Variants in CRYAB observed in about 807,000 individuals in gnomAD.
The protein encoded by CRYAB is alpha-crystallin B chain.
CRYAB carries 9 observed loss-of-function variants against 12.7 expected under a neutral mutation model. The observed-to-expected ratio is 0.71, with a 90% CI of 0.43 to 1.24. CRYAB has a LOEUF of 1.24. CRYAB is among the 50% of genes most tolerant of loss of function. The pLI is 0.00. For synonymous variants in CRYAB, 93 were observed against 86.8 expected, an observed-to-expected ratio of 1.07 and a Z score of -0.40; for missense variants, 183 against 226.6, an observed-to-expected ratio of 0.81 and a Z score of 1.24.
chr11:111,910,529 A>G (rs1332097237), intron 1 of CRYAB, 80 bp from the exon 2 acceptor site: 1 of 1,543,680 alleles, frequency 6.5e-7, no homozygotes, highest in African/African-American at 1.4e-5. Flanking sequence ...CTTATTCTGC[A>G]GAGCTGCTTT....
rs1441502041 is a variant in CRYAB, at chr11:111,922,775, G to A, written c.-199+928C>T. 2.0e-5 allele frequency among the ~76,000 whole-genome samples: 3 copies of A among 152,244 alleles called. No homozygotes were observed. In the East Asian group the frequency reaches 5.8e-4, roughly 29 times the overall value. On this transcript the variant is annotated intron_variant, in intron 1 of 3. Transcript: ENST00000527950. ...ATAATGAATATCCATATTTGTACATGTATAATTATTTCTTAGGATATGGAA... is the reference window on the plus strand; with the variant it reads ...ATAATGAATATCCATATTTGTACATATATAATTATTTCTTAGGATATGGAA...
chr11:111,917,336 A>T (rs1414228493), upstream of CRYAB, among the ~76,000 whole-genome samples: 1 of 152,174 alleles, frequency 6.6e-6, no homozygotes, highest in Non-Finnish European at 1.5e-5. Flanking sequence ...AACAAGATGA[A>T]AAGGATACAG....
At chr11:111,912,305 A>G, upstream of CRYAB, 1 of 188,046 alleles carries the variant, frequency 5.3e-6, no homozygotes, top group South Asian at 1.1e-4. Context: ...GGTTTAGGAG[A>G]GGATCCCACA....
chr11:111,918,042 T>C (rs1447690945), upstream of CRYAB: 1 of 151,984 alleles, frequency 6.6e-6, no homozygotes, highest in Admixed American at 6.6e-5. Flanking sequence ...CAGAGCTGAG[T>C]GGTGGGCCCT....
At chr11:111,917,345 A>T (rs1219189381), upstream of CRYAB, among the ~76,000 whole-genome samples, 1 of 152,192 alleles carries the variant, frequency 6.6e-6, no homozygotes, top group African/African-American at 2.4e-5. Context: ...AAAAGGATAC[A>T]GTTAATGGTA....
At chr11:111,922,733 G>A (rs1436915511) in intron 1 of CRYAB, among the ~76,000 whole-genome samples, 1 of 151,882 alleles carries the variant, frequency 6.6e-6, no homozygotes, top group Non-Finnish European at 1.5e-5. Context: ...CCTATTTTTT[G>A]CAATTTAAAT....
intron 1 of CRYAB, among the ~76,000 whole-genome samples, chr11:111,922,333 T>C (rs1236295491): frequency 6.6e-6 from 1 of 152,268 alleles, no homozygotes; most frequent in Admixed American, 6.5e-5. Context: ...TATTTTTTGT[T>C]ATCTCAATAA....
intron 1 of CRYAB, among the ~76,000 whole-genome samples, chr11:111,919,973 A>T (rs1459532191): frequency 2.6e-5 from 4 of 152,230 alleles, no homozygotes; most frequent in East Asian, 1.9e-4. Flanking sequence ...AGGCGGGTGG[A>T]TCACGAGGTC....
At chr11:111,913,948 G>A (rs777642141), upstream of CRYAB, 72 of 1,477,614 alleles carry the variant, frequency 4.9e-5, no homozygotes, top group Non-Finnish European at 6.0e-5. Flanking sequence ...AAGGTGATAT[G>A]GGCAGCTGCC....
At chr11:111,919,130 C>G in intron 1 of CRYAB, 1 of 1,044,544 alleles carries the variant, frequency 9.6e-7, no homozygotes, top group Non-Finnish European at 1.4e-6. Flanking sequence ...CTGCCTGGTA[C>G]CTCCTTGTTC....
rs868993961 is a variant in CRYAB at position 111,910,315 on chromosome 11, C to A, written c.324+12G>T. On this transcript the variant is annotated intron_variant, in intron 2 of 2. Transcript: ENST00000650687. ...AATGAATGAGCAGAAAACAAAAAAA[C>A]AAGCTACATACCTGGCGCTCTTCAT... 2 of 1,614,150 alleles carry A rather than the reference C, an allele frequency of 1.2e-6. No homozygotes were observed. The highest frequency in any genetic ancestry group is 8.5e-7 in the Non-Finnish European group (1 of 1,180,032).
rs140110474 is a variant in CRYAB at position 111,918,988 on chromosome 11, T to A, written c.-199+4715A>T. On this transcript the variant is annotated intron_variant, in intron 1 of 3. Transcript: ENST00000527950. ...ACAGAGCGCCATGGGAAACCGGGTCTGCTGCGGAGGAAGCTGGTGAGTAGG... is the reference window on the plus strand; with the variant it reads ...ACAGAGCGCCATGGGAAACCGGGTCAGCTGCGGAGGAAGCTGGTGAGTAGG... 11 of 1,614,108 alleles carry A rather than the reference T, an allele frequency of 6.8e-6. No individual in the cohort carries two copies. In the Admixed American group the frequency reaches 1.2e-4, roughly 17 times the overall value.
At chr11:111,912,306 G>A (rs1965491807), upstream of CRYAB, 2 of 188,982 alleles carry the variant, frequency 1.1e-5, no homozygotes, top group Non-Finnish European at 2.2e-5. Flanking sequence ...GTTTAGGAGA[G>A]GATCCCACAT....
chr11:111,912,322 C>G (rs1164396857), upstream of CRYAB: 1 of 191,906 alleles, frequency 5.2e-6, no homozygotes, highest in Non-Finnish European at 1.1e-5. Flanking sequence ...CACATCTGGG[C>G]AGAAAGACCC....
At chr11:111,912,694 G>A (rs1965503941), upstream of CRYAB, 1 of 426,996 alleles carries the variant, frequency 2.3e-6, no homozygotes, top group Non-Finnish European at 4.1e-6. Flanking sequence ...CCCCCCAAGA[G>A]GCTCGGCACT....
At chr11:111,916,393 G>T (rs1965598215), upstream of CRYAB, among the ~76,000 whole-genome samples, 1 of 151,824 alleles carries the variant, frequency 6.6e-6, no homozygotes, top group African/African-American at 2.4e-5. Context: ...ACAACACCTG[G>T]CTAATTTTTT....
chr11:111,909,380 TAAAAAA>T, intron 2 of CRYAB: 1 of 318,960 alleles, frequency 3.1e-6, no homozygotes, highest in Non-Finnish European at 6.1e-6. Flanking sequence ...CTGCTGAAAT[TAAAAAA>T]AAAAAAAAAT....
intron 1 of CRYAB, chr11:111,911,040 C>G (rs1965437415): frequency 4.4e-6 from 1 of 229,106 alleles, no homozygotes; most frequent in Non-Finnish European, 8.7e-6. Context: ...GGACCCAGGC[C>G]AGCGCCCTGT....
chr11:111,910,265 A>G (rs1555165385), intron 2 of CRYAB, 62 bp downstream of exon 2: 1 of 1,605,654 alleles, frequency 6.2e-7, no homozygotes, highest in African/African-American at 1.3e-5. Flanking sequence ...TGATAGCACT[A>G]CCTGGACTAT....
Sources: gnomAD v4.1 joint callset for allele counts (sites outside exome capture counted in the v4.1 genomes callset) on GRCh38, gnomAD v4.1.1 for gene constraint, MANE v1.5 for transcripts, NCBI Gene and HGNC (gene_info 2026-07-23, HGNC 2026-07-21) for gene names.